Variants in IDH3G observed in about 807,000 individuals in gnomAD.
IDH3G encodes the protein isocitrate dehydrogenase (NAD(+)) 3 non-catalytic subunit gamma.
In IDH3G, 9 loss-of-function variants were observed where a neutral mutation model predicts 26.9. The observed-to-expected ratio is 0.34, with a 90% CI of 0.20 to 0.58. The LOEUF (loss-of-function observed/expected upper bound fraction) is 0.58, where lower values mean the gene tolerates loss of function less well. Among genes scored for constraint, IDH3G ranks in the 20% least tolerant of loss-of-function variants. The pLI, the probability that IDH3G is intolerant of heterozygous loss-of-function variation, is 0.85. For missense variants in IDH3G, 250 were observed against 372.8 expected (o/e 0.67, Z 2.71); for synonymous variants, 181 against 160.0 (o/e 1.13, Z -0.99).
intron 4 of IDH3G, 104 bp from the exon 5 acceptor site, chrX:153,789,928 G>T: frequency 1.8e-6 from 1 of 560,563 alleles, no homozygotes; most frequent in Non-Finnish European, 3.0e-6. Flanking sequence ...CCCTGACCTG[G>T]CTCTGACTGA....
At position 153,786,378 on chromosome X, in the gene IDH3G, G is replaced by A; in HGVS notation, c.996C>T (p.Ser332=). Residue 332 remains serine, a synonymous_variant, in exon 11 of 13, where the codon AGC becomes AGT. Transcript: ENST00000217901. ...ACTTGAGGTGGTCCAGCATCATGCAGCTGGCCAGCAGGGTGGCCGTGGGGT... is the reference window on the plus strand; with the variant it reads ...ACTTGAGGTGGTCCAGCATCATGCAACTGGCCAGCAGGGTGGCCGTGGGGT... The part of the protein sequence containing the change: ...IANPTATLLA[S]CMMLDHLKLH... 2 of 1,208,626 alleles carry A rather than the reference G, an allele frequency of 1.7e-6. No individual in the cohort carries two copies. Among genetic ancestry groups the A allele is most frequent in the Non-Finnish European group, 2.2e-6 (2 of 893,386 alleles).
intron 12 of IDH3G, 32 bp downstream of exon 12, chrX:153,786,180 G>A: frequency 8.3e-7 from 1 of 1,208,107 alleles, no homozygotes; most frequent in East Asian, 3.0e-5. Flanking sequence ...GACTGGGCGG[G>A]GCAGCAGGGT....
chrX:153,790,788 G>A (rs782606394), intron 2 of IDH3G, 22 bp downstream of exon 2: 13 of 1,205,336 alleles, frequency 1.1e-5, no homozygotes, highest in South Asian at 3.5e-5. Context: ...AGACACATGC[G>A]TGGGCACGGG....
Position 153,790,729 on chromosome X carries a change from C to G in IDH3G, c.123+81G>C, listed in dbSNP as rs987846186. On this transcript the variant is annotated intron_variant, in intron 2 of 12. Coordinates refer to ENST00000217901, the MANE Select transcript of IDH3G (RefSeq NM_004135.4). ...CCCCTGGAGACCACGTCTCAGAGGA[C>G]AGGACACAGGCCGTGCACACACGCG... 7 of 1,106,812 alleles carry G rather than the reference C, an allele frequency of 6.3e-6. No individual in the cohort carries two copies. The African/African-American group carries it at 1.3e-4, about 20-fold the overall frequency. 91.2% of individuals were successfully genotyped at this position (1,106,812 alleles called of 1,213,427 possible). A position where few individuals can be genotyped will look rare whatever the true frequency, so the allele number is the denominator to read the frequency against.
rs1557068941 is a variant in IDH3G at position 153,785,770 on chromosome X, G to A, written c.*102C>T. The A allele has an allele frequency of 1.0e-6, 1 of 994,338 alleles. No homozygotes were observed. The highest frequency in any genetic ancestry group is 3.1e-5 in the East Asian group (1 of 32,711). 81.9% of individuals were successfully genotyped at this position (994,338 alleles called of 1,213,427 possible). A position where few individuals can be genotyped will look rare whatever the true frequency, so the allele number is the denominator to read the frequency against. On this transcript the variant is annotated 3_prime_UTR_variant, in exon 13 of 13. Transcript: ENST00000217901. ...GTGAGGGAGGCCCACGCCAAGTCTA[G>A]GGAGAAGGTGCTTTATTCTGGGATC...
At position 153,790,565 on chromosome X, in the gene IDH3G, ATTGT is replaced by A. The variant is rs1557070242; in HGVS notation, c.130_133del (p.Thr44PhefsTer13). On this transcript the variant is annotated frameshift_variant and splice_region_variant, in exon 3 of 13. Coordinates refer to ENST00000217901, the MANE Select transcript of IDH3G (RefSeq NM_004135.4). LOFTEE classifies it high-confidence loss of function. The stretch of plus-strand genomic sequence containing the variant: ...TAACAGGCAGAGAAGAATACTCACA[ATTGT>A]TTGTTCCTAGAAAGGATGAGAAAGG... 8.3e-7 allele frequency: 1 copy of A among 1,208,976 alleles called. No individual in the cohort carries two copies. The highest frequency in any genetic ancestry group is 1.7e-5 in the African/African-American group (1 of 57,813).
At chrX:153,785,995 G>A (rs781821977) in intron 12 of IDH3G, 22 bp from the exon 13 acceptor site, 23 of 1,209,447 alleles carry the variant, frequency 1.9e-5, no homozygotes, top group East Asian at 5.9e-5. Context: ...AGGCAGGCTC[G>A]GCACACACCA....
At position 153,787,810 on chromosome X, in the gene IDH3G, C is replaced by G. The variant is rs1557069565; in HGVS notation, c.540+13G>C. ...GACGCTGGGGGGGCTCATCTCGGGC[C>G]CCCCATGCACACCTCATGCTCCAGG... On this transcript the variant is annotated intron_variant, in intron 7 of 12. Coordinates refer to ENST00000217901, the MANE Select transcript of IDH3G (RefSeq NM_004135.4). 8.3e-7 allele frequency: 1 copy of G among 1,198,415 alleles called. No homozygotes were observed. The highest frequency in any genetic ancestry group is 1.7e-5 in the African/African-American group (1 of 57,237).
chrX:153,786,555 C>T (rs1437919378), intron 10 of IDH3G, 106 bp from the exon 11 acceptor site: 5 of 692,394 alleles, frequency 7.2e-6, no homozygotes, highest in African/African-American at 4.3e-5. Context: ...GGGACAAAAG[C>T]CCACCAGCGG....
chrX:153,786,187 G>A lies in IDH3G; in HGVS notation c.1080+25C>T, dbSNP rs1320014067. 4.1e-6 allele frequency: 5 copies of A among 1,207,320 alleles called. No individual in the cohort carries two copies. In the African/African-American group the frequency reaches 8.7e-5, roughly 21 times the overall value. On this transcript the variant is annotated intron_variant, in intron 12 of 12. Transcript: ENST00000217901. Reference sequence around the variant, plus strand: ...CAGGGGGAGACTGGGCGGGGCAGCAGGGTAGGGTGCGAGGGGAACCTCACA... The same window carrying A: ...CAGGGGGAGACTGGGCGGGGCAGCAAGGTAGGGTGCGAGGGGAACCTCACA...
chrX:153,789,689 T>C (rs1557069993), intron 5 of IDH3G, 23 bp downstream of exon 5: 2 of 980,172 alleles, frequency 2.0e-6, no homozygotes, highest in Non-Finnish European at 2.9e-6. Flanking sequence ...GGCCCCATCC[T>C]GGCCCCTGGC....
rs782266793 is a variant in IDH3G at position 153,787,912 on chromosome X, G to C, written c.451C>G (p.Leu151Val). 8.3e-7 allele frequency: 1 copy of C among 1,209,819 alleles called. No individual in the cohort carries two copies. Among genetic ancestry groups the C allele is most frequent in the Admixed American group, 2.2e-5 (1 of 45,936 alleles). The change falls in exon 7 of 13, where the codon CTT (leucine) becomes GTT (valine). Residue 151 changes from leucine (L) to valine (V), a missense_variant. By Grantham distance (32) the Leu-to-Val change is conservative. Coordinates refer to ENST00000217901, the MANE Select transcript of IDH3G (RefSeq NM_004135.4). ...TTGTGCCGGGTCACCACGCCTGGAA[G>C]GCTCTTACAGTGGATGACGTTGGCA... is the stretch of plus-strand genomic sequence containing the variant. ...LYANVIHCKS[L>V]PGVVTRHKDI... is the part of the protein sequence containing the mutation.
intron 1 of IDH3G, chrX:153,793,876 GA>G: frequency 7.5e-6 from 1 of 134,102 alleles, no homozygotes; most frequent in Admixed American, 8.7e-5. Context: ...GGAAACCGTG[GA>G]GAAATTTGAG....
At chrX:153,790,471 T>C in intron 3 of IDH3G, 93 bp downstream of exon 3, 2 of 1,027,325 alleles carry the variant, frequency 1.9e-6, no homozygotes, top group South Asian at 4.0e-5. Flanking sequence ...CCAGGGCTCC[T>C]GGGTCAGCAG....
chrX:153,793,711 A>T (rs1461764115), intron 1 of IDH3G: 1 of 112,018 alleles, frequency 8.9e-6, no homozygotes, highest in African/African-American at 3.3e-5. Context: ...GAGCAGAAGC[A>T]AAACCCCCGC....
rs1569542731 is a variant in IDH3G at position 153,789,612 on chromosome X, A to AAAGCAAGCAG, written c.346+99_346+100insCTGCTTGCTT. On this transcript the variant is annotated intron_variant, in intron 5 of 12. Transcript: ENST00000217901. The stretch of plus-strand genomic sequence containing the variant: ...AAGCAAGAAAGCAGGAAAGCAAGCA[A>AAAGCAAGCAG]GAAAGCAAGCAAGCGAGCAAGTAAG... The AAAGCAAGCAG allele has an allele frequency of 4.1e-5, 22 of 530,268 alleles. 1 individual carries two copies. Among genetic ancestry groups the AAAGCAAGCAG allele is most frequent in the Middle Eastern group, 3.3e-4 (1 of 3,049 alleles). 43.7% of individuals were successfully genotyped at this position (530,268 alleles called of 1,213,427 possible). A position where few individuals can be genotyped will look rare whatever the true frequency, so the allele number is the denominator to read the frequency against.
intron 1 of IDH3G, chrX:153,792,269 G>A (rs1391636750): frequency 8.9e-6 from 1 of 112,153 alleles, no homozygotes; most frequent in Admixed American, 9.5e-5. Flanking sequence ...TGGCACATAA[G>A]GAACATTTCC....
chrX:153,788,809 C>T (rs1252933095), intron 5 of IDH3G, among the ~76,000 whole-genome samples: 2 of 112,969 alleles, frequency 1.8e-5, no homozygotes, highest in African/African-American at 6.4e-5. Context: ...TTTGCTCACA[C>T]GCTCCTCACA....
At chrX:153,790,943 C>T (rs1422079735) in intron 1 of IDH3G, 92 bp from the exon 2 acceptor site, 17 of 830,261 alleles carry the variant, frequency 2.0e-5, no homozygotes, top group Non-Finnish European at 2.9e-5. Context: ...TGTGCCCAGG[C>T]AGGTCCCCTG....
Sources: allele counts gnomAD v4.1 joint callset (sites outside exome capture counted in the v4.1 genomes callset), GRCh38; gene constraint gnomAD v4.1.1; transcripts MANE v1.5; gene names NCBI Gene and HGNC (gene_info 2026-07-23, HGNC 2026-07-21).